LRRC37A2: variants seen among roughly 807,000 people sequenced by gnomAD.
LRRC37A2 encodes leucine rich repeat containing 37 member A2.
In LRRC37A2, 9 loss-of-function variants were observed where a neutral mutation model predicts 68.8. The observed-to-expected ratio is 0.13, with a 90% CI of 0.08 to 0.23. The LOEUF (loss-of-function observed/expected upper bound fraction) is 0.23, where lower values mean the gene tolerates loss of function less well. LRRC37A2 is among the 10% of genes least tolerant of loss of function. The pLI is 1.00. For missense variants in LRRC37A2, 168 were observed against 950.4 expected (o/e 0.18, Z 10.82); for synonymous variants, 63 against 367.6 (o/e 0.17, Z 9.48).
the LRRC37A2 span, among the ~76,000 whole-genome samples, chr17:46,946,402 A>G: frequency 6.7e-5 from 10 of 150,076 alleles, no homozygotes; most frequent in Non-Finnish European, 1.3e-4. Context: ...CGGAGGTTGC[A>G]GTGAGCCGAG....
At chr17:46,808,334 C>T in the LRRC37A2 span, among the ~76,000 whole-genome samples, 3 of 152,208 alleles carry the variant, frequency 2.0e-5, 1 homozygote, top group South Asian at 4.1e-4. Flanking sequence ...ACTTCCCAGA[C>T]GTTCACAAAT....
At chr17:46,714,907 C>T in the LRRC37A2 span, among the ~76,000 whole-genome samples, 2 of 152,156 alleles carry the variant, frequency 1.3e-5, no homozygotes, top group Non-Finnish European at 1.5e-5. Flanking sequence ...AAAGACAGCT[C>T]AGGGTTTTCT....
At chr17:46,773,750 G>A in the LRRC37A2 span, 7 of 1,613,140 alleles carry the variant, frequency 4.3e-6, no homozygotes, top group Non-Finnish European at 5.9e-6. Context: ...ACTGGTGCTG[G>A]CACTCCTGGA....
the LRRC37A2 span, among the ~76,000 whole-genome samples, chr17:46,729,966 C>G: frequency 6.6e-6 from 1 of 151,958 alleles, no homozygotes. Flanking sequence ...TTTTCATAAA[C>G]CATCATTCCT....
At chr17:47,005,035 C>A in the LRRC37A2 span, among the ~76,000 whole-genome samples, 1 of 152,326 alleles carries the variant, frequency 6.6e-6, no homozygotes, top group African/African-American at 2.4e-5. Flanking sequence ...GAGAAGGACC[C>A]AAGGTCCATA....
chr17:46,838,877 G>T, the LRRC37A2 span, among the ~76,000 whole-genome samples: 1 of 151,944 alleles, frequency 6.6e-6, no homozygotes, highest in Non-Finnish European at 1.5e-5. Flanking sequence ...CTTTTCTAAA[G>T]AATTTTGTTT....
the LRRC37A2 span, chr17:46,876,894 C>T: frequency 1.4e-5 from 19 of 1,378,640 alleles, no homozygotes; most frequent in Middle Eastern, 2.7e-4. Context: ...TTGCCTCCCT[C>T]GATACTCAAC....
the LRRC37A2 span, chr17:46,916,685 A>T: frequency 2.0e-5 from 3 of 152,226 alleles, no homozygotes; most frequent in African/African-American, 7.2e-5. Context: ...AGCATTAAAT[A>T]AATGGCATTA....
chr17:46,940,389 G>C, the LRRC37A2 span: 23 of 1,546,254 alleles, frequency 1.5e-5, no homozygotes, highest in East Asian at 3.0e-4. Context: ...GGGTGGACTG[G>C]GGGGTTGCAG....
At chr17:46,649,469 A>C in the LRRC37A2 span, among the ~76,000 whole-genome samples, 6 of 152,172 alleles carry the variant, frequency 3.9e-5, no homozygotes, top group East Asian at 7.7e-4. Flanking sequence ...CTGGGCGTGA[A>C]TTTGTTTTTA....
the LRRC37A2 span, among the ~76,000 whole-genome samples, chr17:46,951,294 T>C: frequency 3.4e-4 from 52 of 152,070 alleles, 1 homozygote; most frequent in African/African-American, 1.2e-3. Flanking sequence ...GGTGGCACTC[T>C]CCCCACAGGT....
the LRRC37A2 span, among the ~76,000 whole-genome samples, chr17:46,980,366 CTCT>C: frequency 2.4e-4 from 21 of 87,214 alleles, no homozygotes; most frequent in East Asian, 2.1e-3. Context: ...TTCTTTCTTT[CTCT>C]TCTTCTTTCT....
chr17:47,006,394 C>T, the LRRC37A2 span, among the ~76,000 whole-genome samples: 2 of 152,018 alleles, frequency 1.3e-5, no homozygotes, highest in Non-Finnish European at 2.9e-5. Flanking sequence ...GGCAGATCAC[C>T]TGAAGTCAGG....
chr17:46,973,877 G>C, the LRRC37A2 span, among the ~76,000 whole-genome samples: 1 of 152,110 alleles, frequency 6.6e-6, no homozygotes, highest in Non-Finnish European at 1.5e-5. Flanking sequence ...GGCCATTTCT[G>C]CTGTACCCGC....
At chr17:46,916,026 C>A in the LRRC37A2 span, among the ~76,000 whole-genome samples, 2 of 152,228 alleles carry the variant, frequency 1.3e-5, no homozygotes, top group Non-Finnish European at 2.9e-5. Context: ...AGTGCCACCT[C>A]TGACATGACA....
the LRRC37A2 span, among the ~76,000 whole-genome samples, chr17:46,879,539 C>G: frequency 1.3e-5 from 2 of 152,224 alleles, no homozygotes; most frequent in Admixed American, 6.5e-5. Context: ...AAACTTTTAC[C>G]CCTTTCATCT....
At chr17:46,841,736 G>T in the LRRC37A2 span, among the ~76,000 whole-genome samples, 1 of 152,242 alleles carries the variant, frequency 6.6e-6, no homozygotes, top group African/African-American at 2.4e-5. Flanking sequence ...GAAGGCAGAG[G>T]AGATGGAGGT....
the LRRC37A2 span, among the ~76,000 whole-genome samples, chr17:46,750,522 C>G: frequency 6.6e-6 from 1 of 152,272 alleles, no homozygotes; most frequent in East Asian, 1.9e-4. Flanking sequence ...AATTTTGGAG[C>G]ATTTTAGATT....
the LRRC37A2 span, among the ~76,000 whole-genome samples, chr17:46,458,760 C>G: frequency 9.2e-6 from 1 of 108,910 alleles, no homozygotes; most frequent in Non-Finnish European, 2.1e-5. Context: ...AGGCTGGTCT[C>G]GAGCTCCCAA....
Sources: gnomAD v4.1 joint callset for allele counts (sites outside exome capture counted in the v4.1 genomes callset) on GRCh38, gnomAD v4.1.1 for gene constraint, MANE v1.5 for transcripts, NCBI Gene and HGNC (gene_info 2026-07-23, HGNC 2026-07-21) for gene names.